The following MALT1 variants were observed in gnomAD, a reference collection of about 807,000 sequenced individuals.
The protein encoded by MALT1 is mucosa-associated lymphoid tissue lymphoma translocation protein 1.
A neutral mutation model predicts 85.5 loss-of-function variants in MALT1; 36 were observed. The ratio of observed to expected loss-of-function variants is 0.42; its 90% CI spans 0.32 to 0.56. The LOEUF is 0.56. Among genes scored for constraint, MALT1 ranks in the 20% least tolerant of loss-of-function variants. The pLI, the probability that MALT1 is intolerant of heterozygous loss-of-function variation, is 0.10. For missense variants in MALT1, 716 were observed against 981.6 expected (o/e 0.73, Z 3.62); for synonymous variants, 359 against 361.3 (o/e 0.99, Z 0.07).
chr18:58,672,865 AGAAT>A (rs1480502191), intron 1 of MALT1: 1 of 152,218 alleles, frequency 6.6e-6, no homozygotes. Flanking sequence ...CACTCCTGAA[AGAAT>A]GAATGAAAAA....
intron 1 of MALT1, among the ~76,000 whole-genome samples, chr18:58,676,974 A>T (rs972848786): frequency 9.9e-5 from 15 of 152,208 alleles, no homozygotes; most frequent in Admixed American, 8.5e-4. Context: ...ATATTTTTTT[A>T]AAGATAAAAA....
chr18:58,747,757 A>T lies in MALT1; in HGVS notation c.2390A>T (p.His797Leu), dbSNP rs2055390134. The change falls in exon 17 of 17, where the codon CAT becomes CTT. Residue 797 changes from histidine (H) to leucine (L), a missense_variant. His to Leu is a moderately conservative substitution (Grantham distance 99). Transcript: ENST00000649217. Reference protein sequence around the residue: ...ISSFAHHASCHFSRSNVPVET... With the variant: ...ISSFAHHASCLFSRSNVPVET... The stretch of plus-strand genomic sequence containing the variant: ...AGTTTCGCTCACCATGCTTCATGTC[A>T]TTTTAGTAGAAGTAATGTGCCAGTA... The T allele has an allele frequency of 1.2e-6, 2 of 1,614,134 alleles. No homozygotes were observed. Among genetic ancestry groups the T allele is most frequent in the Admixed American group, 1.7e-5 (1 of 60,006 alleles).
In MALT1 at chr18:58,733,482, T is replaced by C. The variant is rs2055182321; in HGVS notation, c.1308T>C (p.Ser436=). ...VPVDAPNPYR[S]ENCLCVQNIL... ...TTGATGCTCCAAATCCATATAGGTC[T>C]GAAAATTGTCTGTGTGTACAAAATA... is the stretch of plus-strand genomic sequence containing the variant. The change falls in exon 11 of 17, where the codon TCT becomes TCC. Residue 436 remains serine (S), a synonymous_variant. Transcript: ENST00000649217. 1 of 1,613,260 alleles carries C rather than the reference T, an allele frequency of 6.2e-7. No individual in the cohort carries two copies. The highest frequency in any genetic ancestry group is 1.1e-5 in the South Asian group (1 of 91,028).
chr18:58,710,941 G>A lies in MALT1; in HGVS notation c.946G>A (p.Glu316Lys). The A allele has an allele frequency of 2.5e-6, 4 of 1,578,542 alleles. No individual in the cohort carries two copies. Among genetic ancestry groups the A allele is most frequent in the Non-Finnish European group, 3.4e-6 (4 of 1,166,132 alleles). The change falls in exon 7 of 17, where the codon GAG becomes AAG. Residue 316 changes from glutamate to lysine, a missense_variant. Physicochemically the swap from Glu to Lys is moderately conservative, Grantham distance 56 (BLOSUM62 1). Coordinates refer to ENST00000649217, the MANE Select transcript of MALT1 (RefSeq NM_006785.4). ...IIIGRTDEAV[E>K]CTEDELNNLG... Reference sequence around the variant, plus strand: ...ACAAGGAAGAACAGATGAGGCAGTGGAGTGCACTGAAGGTAGTGTAAGTCT... The same window carrying A: ...ACAAGGAAGAACAGATGAGGCAGTGAAGTGCACTGAAGGTAGTGTAAGTCT...
rs2055357769 is a variant in MALT1 at position 58,745,766 on chromosome 18, G to A, written c.2012G>A (p.Arg671Lys). 1.2e-6 allele frequency: 2 copies of A among 1,612,908 alleles called. No homozygotes were observed. Among genetic ancestry groups the A allele is most frequent in the Non-Finnish European group, 1.7e-6 (2 of 1,179,670 alleles). ...CTTCCCAAGCATTGCCTCTATACCA[G>A]ACTCAGTTCACTGCAAAAATTAAAG... is the stretch of plus-strand genomic sequence containing the variant. Reference protein sequence around the residue: ...KDLPKHCLYTRLSSLQKLKEH... With the variant: ...KDLPKHCLYTKLSSLQKLKEH... The change falls in exon 16 of 17, where the codon AGA becomes AAA. Residue 671 changes from arginine to lysine, a missense_variant. By Grantham distance (26) the Arg-to-Lys change is conservative. Transcript: ENST00000649217.
At position 58,681,205 on chromosome 18, in the gene MALT1, T is replaced by TG; in HGVS notation, c.247dup (p.Glu83GlyfsTer3). On this transcript the variant is annotated frameshift_variant, in exon 2 of 17. Transcript: ENST00000649217. LOFTEE classifies it high-confidence loss of function. ...CTGGAGCAGTGTTCTCTTAAGGTAC[T>TG]GGAGCCTGAAGGAAGCCCCAGCCTG... 1 of 1,614,176 alleles carries TG rather than the reference T, an allele frequency of 6.2e-7. No homozygotes were observed. Among genetic ancestry groups the TG allele is most frequent in the Non-Finnish European group, 8.5e-7 (1 of 1,180,006 alleles).
intron 4 of MALT1, among the ~76,000 whole-genome samples, chr18:58,708,704 T>C (rs1056630264): frequency 8.5e-5 from 13 of 152,202 alleles, no homozygotes; most frequent in Admixed American, 2.0e-4. Context: ...TTCTAGACTA[T>C]TTTTGTGCAT....
At chr18:58,678,172 TAATC>T (rs1369287440) in intron 1 of MALT1, among the ~76,000 whole-genome samples, 4 of 152,186 alleles carry the variant, frequency 2.6e-5, no homozygotes, top group African/African-American at 4.8e-5. Flanking sequence ...CCATATGAAA[TAATC>T]AACATTATCA....
intron 4 of MALT1, among the ~76,000 whole-genome samples, chr18:58,702,567 AGTTT>A (rs2144367219): frequency 6.6e-6 from 1 of 152,332 alleles, no homozygotes; most frequent in African/African-American, 2.4e-5. Context: ...AGAAGAGGTC[AGTTT>A]GTTATGAATT....
chr18:58,671,884 C>G, intron 1 of MALT1, 32 bp downstream of exon 1: 1 of 1,182,808 alleles, frequency 8.5e-7, no homozygotes. Flanking sequence ...GCCGGGCGCG[C>G]GGGTCGAGCG....
chr18:58,717,436 T>A (rs1315645769), intron 9 of MALT1, among the ~76,000 whole-genome samples: 1 of 151,750 alleles, frequency 6.6e-6, no homozygotes, highest in Non-Finnish European at 1.5e-5. Context: ...TGGCAGAGGC[T>A]TAGAGGCTAA....
intron 2 of MALT1, among the ~76,000 whole-genome samples, chr18:58,683,141 C>G (rs954292175): frequency 3.9e-5 from 6 of 152,134 alleles, no homozygotes; most frequent in African/African-American, 1.2e-4. Context: ...CATTTGAAAT[C>G]TACTAGTCTA....
rs1436314636 is a variant in MALT1, at chr18:58,748,573, T to TAA, written c.*733_*734dup. On this transcript the variant is annotated 3_prime_UTR_variant, in exon 17 of 17. Transcript: ENST00000649217. ...ACATGAGAAGTGATAAAATGTTTGT[T>TAA]AAAGCTAGATAGAGGTTAAGAATCA... 1.1e-5 allele frequency: 2 copies of TAA among 188,092 alleles called. No homozygotes were observed. The highest frequency in any genetic ancestry group is 2.2e-5 in the Non-Finnish European group (2 of 88,924). 11.7% of individuals were successfully genotyped at this position (188,092 alleles called of 1,614,324 possible). A position where few individuals can be genotyped will look rare whatever the true frequency, so the allele number is the denominator to read the frequency against.
At chr18:58,732,903 A>AATTT (rs891013413) in intron 10 of MALT1, among the ~76,000 whole-genome samples, 2 of 149,580 alleles carry the variant, frequency 1.3e-5, no homozygotes, top group Admixed American at 6.6e-5. Context: ...GACTGTTGGT[A>AATTT]ATTTATTTAT....
At chr18:58,690,081 A>G (rs968889767) in intron 2 of MALT1, among the ~76,000 whole-genome samples, 9 of 152,238 alleles carry the variant, frequency 5.9e-5, no homozygotes, top group African/African-American at 1.2e-4. Flanking sequence ...ACTTTCTGCA[A>G]GTTGAAAGCT....
chr18:58,720,526 T>C (rs2054968983), intron 9 of MALT1, among the ~76,000 whole-genome samples: 1 of 152,202 alleles, frequency 6.6e-6, no homozygotes, highest in Admixed American at 6.5e-5. Context: ...AGGAAAATTT[T>C]AGAAGTGTTA....
intron 7 of MALT1, among the ~76,000 whole-genome samples, chr18:58,712,268 T>C (rs1362010658): frequency 6.6e-6 from 1 of 152,176 alleles, no homozygotes; most frequent in Admixed American, 6.5e-5. Context: ...GAATTGCATA[T>C]GAACAGTGTC....
intron 10 of MALT1, among the ~76,000 whole-genome samples, chr18:58,726,896 C>G (rs2055062897): frequency 6.6e-6 from 1 of 152,202 alleles, no homozygotes; most frequent in Non-Finnish European, 1.5e-5. Context: ...CTGTTCAGTT[C>G]ACATAGCTCA....
At chr18:58,684,439 CTTTTTTTTT>C (rs548214354) in intron 2 of MALT1, among the ~76,000 whole-genome samples, 1 of 73,544 alleles carries the variant, frequency 1.4e-5, no homozygotes, top group Non-Finnish European at 2.7e-5. Context: ...AAGATTTACT[CTTTTTTTTT>C]TTTTTTTTTT....
Sources: allele counts gnomAD v4.1 joint callset (sites outside exome capture counted in the v4.1 genomes callset), GRCh38; gene constraint gnomAD v4.1.1; transcripts MANE v1.5; gene names NCBI Gene and HGNC (gene_info 2026-07-23, HGNC 2026-07-21).